Variants in COL9A3 observed in about 807,000 individuals in gnomAD.
The protein encoded by COL9A3 is collagen alpha-3(IX) chain.
Under a neutral mutation model 110.2 loss-of-function variants are expected in COL9A3, and 82 were observed. The observed-to-expected ratio is 0.74, with a 90% CI of 0.62 to 0.89. COL9A3 has a LOEUF of 0.89. Among genes scored for constraint, COL9A3 ranks in the 40% least tolerant of loss-of-function variants. COL9A3 has a pLI of 0.00. For missense variants in COL9A3, 1,066 were observed against 981.3 expected (o/e 1.09, Z -1.15); for synonymous variants, 494 against 403.8 (o/e 1.22, Z -2.68).
At chr20:62,824,553 C>A in intron 11 of COL9A3, 52 bp downstream of exon 11, 1 of 1,529,568 alleles carries the variant, frequency 6.5e-7, no homozygotes, top group Non-Finnish European at 8.9e-7. Context: ...GGGCAGGAGG[C>A]AGCTGGGCTC....
At position 62,828,753 on chromosome 20, in the gene COL9A3, C is replaced by G. The variant is rs755432769; in HGVS notation, c.901-11C>G. The G allele has an allele frequency of 3.7e-6, 6 of 1,612,634 alleles. No individual in the cohort carries two copies. In the South Asian group the frequency reaches 6.6e-5, roughly 18 times the overall value. On this transcript the variant is annotated splice_polypyrimidine_tract_variant and intron_variant, in intron 17 of 31. Coordinates refer to ENST00000649368, the MANE Select transcript of COL9A3 (RefSeq NM_001853.4). ...ACTGCCCGACGGGCCTTACTCATCC[C>G]TTGTCCCCAGGGCATGCCGGGCAAG...
At position 62,825,817 on chromosome 20, in the gene COL9A3, G is replaced by A; in HGVS notation, c.631G>A (p.Gly211Ser). ...GACCACCCTATCCCCTCTGTTTCAG[G>A]GTGACCCTGGCCCCCCTGGGCCCGC... ...QGEVGKDGEK[G>S]DPGPPGPAGL... Residue 211 changes from glycine to serine, a missense_variant and splice_region_variant, in exon 13 of 32, where the codon GGT becomes AGT. Coordinates refer to ENST00000649368, the MANE Select transcript of COL9A3 (RefSeq NM_001853.4). The A allele has an allele frequency of 1.3e-6, 2 of 1,553,578 alleles. No individual in the cohort carries two copies. Among genetic ancestry groups the A allele is most frequent in the Middle Eastern group, 1.7e-4 (1 of 5,982 alleles).
At position 62,840,860 on chromosome 20, in the gene COL9A3, C is replaced by A; in HGVS notation, c.*128C>A. On this transcript the variant is annotated 3_prime_UTR_variant, in exon 32 of 32. Transcript: ENST00000649368. ...CCCCTGGCTGCCCCTCGGCCGCCGA[C>A]TGGACGCGCGGGCCTTGCCAGCGAG... 4 of 1,105,150 alleles carry A rather than the reference C, an allele frequency of 3.6e-6. No homozygotes were observed. The highest frequency in any genetic ancestry group is 1.4e-5 in the South Asian group (1 of 71,868). The allele number at this position is 1,105,150 out of a possible 1,614,324, so 68.5% of individuals were successfully genotyped here.
At chr20:62,832,442 G>T (rs2063604037) in intron 25 of COL9A3, among the ~76,000 whole-genome samples, 1 of 152,258 alleles carries the variant, frequency 6.6e-6, no homozygotes, top group Non-Finnish European at 1.5e-5. Context: ...CAAACAGCTG[G>T]CCAGAGTGTC....
At chr20:62,819,663 C>T (rs1371790021) in intron 4 of COL9A3, among the ~76,000 whole-genome samples, 1 of 152,208 alleles carries the variant, frequency 6.6e-6, no homozygotes. Context: ...AGTGAGCTGT[C>T]CAGTCCTGCT....
chr20:62,833,387 G>T (rs577811291), intron 26 of COL9A3, among the ~76,000 whole-genome samples: 55 of 152,176 alleles, frequency 3.6e-4, no homozygotes, highest in African/African-American at 1.3e-3. Context: ...TTGTTTTTTT[G>T]TTTTTGGTTT....
chr20:62,823,441 G>T (rs1002619429), intron 10 of COL9A3, among the ~76,000 whole-genome samples: 2 of 152,244 alleles, frequency 1.3e-5, no homozygotes, highest in Non-Finnish European at 2.9e-5. Flanking sequence ...CCATAGAGAG[G>T]TTTGATAGTT....
chr20:62,837,176 G>A lies in COL9A3; in HGVS notation c.1697G>A (p.Gly566Glu). ...CCAGCTGGCCCCCCTGGGCCCCCAG[G>A]ACCCCCAGGCTCCATTGGTCACCCT... ...PGPAGPPGPP[G>E]PPGSIGHPGA... The change falls in exon 30 of 32, where the codon GGA becomes GAA. Residue 566 changes from glycine to glutamate, a missense_variant. By Grantham distance (98) the Gly-to-Glu change is moderately conservative. Transcript: ENST00000649368. 1 of 1,612,344 alleles carries A rather than the reference G, an allele frequency of 6.2e-7. No individual in the cohort carries two copies. The highest frequency in any genetic ancestry group is 8.5e-7 in the Non-Finnish European group (1 of 1,179,504).
chr20:62,836,132 G>A, intron 27 of COL9A3, 55 bp from the exon 28 acceptor site: 1 of 1,605,466 alleles, frequency 6.2e-7, no homozygotes, highest in East Asian at 2.2e-5. Context: ...GCACGTCGGG[G>A]TGGCTCTGGG....
intron 26 of COL9A3, 146 bp downstream of exon 26, chr20:62,833,210 G>C: frequency 1.4e-6 from 1 of 736,988 alleles, no homozygotes. Flanking sequence ...GGATGGAGCA[G>C]GGTCGGGCAG....
rs773662390 is a variant in COL9A3, at chr20:62,836,222, C to A, written c.1437C>A (p.Thr479=). Reference sequence around the variant, plus strand: ...GAGGGGAGCTGGGCCCCAAAGGCACCCAGGGTCCCAACGGCACCAGCGGTG... The same window carrying A: ...GAGGGGAGCTGGGCCCCAAAGGCACACAGGGTCCCAACGGCACCAGCGGTG... ...GSRGELGPKG[T]QGPNGTSGVQ... The change falls in exon 28 of 32, where the codon ACC becomes ACA. Residue 479 remains threonine (T), a synonymous_variant. Transcript: ENST00000649368. The A allele has an allele frequency of 3.1e-6, 5 of 1,613,612 alleles. No individual in the cohort carries two copies. The highest frequency in any genetic ancestry group is 1.1e-5 in the South Asian group (1 of 91,084).
intron 5 of COL9A3, among the ~76,000 whole-genome samples, chr20:62,820,486 C>G (rs941134638): frequency 6.6e-6 from 1 of 152,202 alleles, no homozygotes; most frequent in Non-Finnish European, 1.5e-5. Flanking sequence ...TGTCAGCCAA[C>G]CGGGTGCCAC....
At chr20:62,824,390 C>G in intron 10 of COL9A3, 55 bp from the exon 11 acceptor site, 1 of 1,536,518 alleles carries the variant, frequency 6.5e-7, no homozygotes, top group Non-Finnish European at 8.8e-7. Context: ...ACCCCTGCGT[C>G]GGACGTCCTG....
At chr20:62,819,375 C>A in intron 4 of COL9A3, 82 bp downstream of exon 4, 4 of 1,350,972 alleles carry the variant, frequency 3.0e-6, no homozygotes, top group Non-Finnish European at 4.2e-6. Context: ...TGCTGTTGTC[C>A]AGCTGGGCCT....
At chr20:62,826,158 G>A (rs771951025) in intron 13 of COL9A3, 46 bp from the exon 14 acceptor site, 3 of 1,541,972 alleles carry the variant, frequency 1.9e-6, no homozygotes, top group African/African-American at 2.7e-5. Flanking sequence ...GCTCCCCGGG[G>A]TGGAGGTGCA....
intron 22 of COL9A3, 55 bp downstream of exon 22, chr20:62,829,874 TG>T: frequency 6.5e-7 from 1 of 1,530,354 alleles, no homozygotes; most frequent in Admixed American, 2.0e-5. Flanking sequence ...CATTGGCACA[TG>T]GCCCCAGTTT....
At chr20:62,822,262 G>A (rs745429387) in intron 9 of COL9A3, 98 bp downstream of exon 9, 9 of 805,980 alleles carry the variant, frequency 1.1e-5, no homozygotes, top group Admixed American at 5.2e-5. Context: ...ATGCCCCTCC[G>A]AGATCTCCTA....
intron 25 of COL9A3, 117 bp from the exon 26 acceptor site, chr20:62,832,903 G>T (rs879544092): frequency 5.0e-6 from 5 of 999,290 alleles, no homozygotes; most frequent in Non-Finnish European, 8.0e-6. Context: ...TGGGCTTTTG[G>T]CCTCGACCTT....
intron 26 of COL9A3, 114 bp downstream of exon 26, chr20:62,833,178 G>C: frequency 2.2e-6 from 2 of 891,616 alleles, no homozygotes; most frequent in South Asian, 2.6e-5. Flanking sequence ...TGGAAGATCG[G>C]CAGCTCTGCT....
Sources: gnomAD v4.1 joint callset for allele counts (sites outside exome capture counted in the v4.1 genomes callset) on GRCh38, gnomAD v4.1.1 for gene constraint, MANE v1.5 for transcripts, NCBI Gene and HGNC (gene_info 2026-07-23, HGNC 2026-07-21) for gene names.